Variants in NUP155 observed in about 807,000 individuals in gnomAD.
NUP155 encodes the protein nucleoporin 155, also known as nuclear pore complex protein Nup155.
NUP155 carries 71 observed loss-of-function variants against 180.4 expected under a neutral mutation model. The ratio of observed to expected loss-of-function variants is 0.39; its 90% CI spans 0.33 to 0.48. The LOEUF (loss-of-function observed/expected upper bound fraction) is 0.48. Ranked by LOEUF, NUP155 falls within the 20% of genes least tolerant of loss-of-function variation. The pLI, the probability that NUP155 is intolerant of heterozygous loss-of-function variation, is 0.91. For synonymous variants in NUP155, 582 were observed against 559.5 expected (o/e 1.04, Z -0.57); for missense variants, 1,553 against 1,648.9 (o/e 0.94, Z 1.01).
chr5:37,293,718 G>GTAATGAGTTTA (rs1252302785), intron 33 of NUP155, among the ~76,000 whole-genome samples: 1 of 77,698 alleles, frequency 1.3e-5, no homozygotes, highest in Admixed American at 1.1e-4. Context: ...GATGATTCTT[G>GTAATGAGTTTA]GCCGGGCGCG....
chr5:37,320,316 A>G (rs1007075972), intron 20 of NUP155, among the ~76,000 whole-genome samples: 1 of 152,200 alleles, frequency 6.6e-6, no homozygotes, highest in East Asian at 1.9e-4. Context: ...CGTCTCTACT[A>G]AAAATACAAA....
intron 9 of NUP155, among the ~76,000 whole-genome samples, chr5:37,346,249 G>A (rs956091740): frequency 8.6e-5 from 13 of 151,808 alleles, no homozygotes; most frequent in Non-Finnish European, 1.5e-4. Flanking sequence ...CTGCACTCCA[G>A]TCTGGGCAAC....
chr5:37,346,921 C>T (rs1288407623), intron 9 of NUP155, among the ~76,000 whole-genome samples: 2 of 152,062 alleles, frequency 1.3e-5, no homozygotes, highest in Non-Finnish European at 2.9e-5. Flanking sequence ...TTGAACCACA[C>T]ATGTCTGTTA....
chr5:37,306,608 C>A (rs764164662), intron 25 of NUP155, among the ~76,000 whole-genome samples: 3 of 151,934 alleles, frequency 2.0e-5, no homozygotes, highest in Admixed American at 1.3e-4. Flanking sequence ...GCTGGGATTA[C>A]GGGTGTGCAC....
Position 37,307,293 on chromosome 5 carries a change from G to C in NUP155, c.2903+4C>G. ...TGACAATCTGCTAACGTAATGGAAT[G>C]CACCTTTCTTGGAAGGCCTGAAGTC... On this transcript the variant is annotated splice_donor_region_variant and intron_variant, in intron 25 of 34. Coordinates refer to ENST00000231498, the MANE Select transcript of NUP155 (RefSeq NM_153485.3). 1.2e-6 allele frequency: 2 copies of C among 1,613,392 alleles called. No homozygotes were observed. The highest frequency in any genetic ancestry group is 1.7e-6 in the Non-Finnish European group (2 of 1,179,552).
rs769074596 is a variant in NUP155, at chr5:37,331,735, T to C, written c.1579A>G (p.Asn527Asp). 2 of 1,611,460 alleles carry C rather than the reference T, an allele frequency of 1.2e-6. No homozygotes were observed. Among genetic ancestry groups the C allele is most frequent in the African/African-American group, 1.3e-5 (1 of 74,902 alleles). ...VDQLRHLLVSNVGGDGEEIER... is the reference protein window; with the variant it reads ...VDQLRHLLVSDVGGDGEEIER... Reference sequence around the variant, plus strand: ...ATCTCTTCTCCATCTCCTCCCACATTACTCACAAGTAGATGCCTCAGTTGA... The same window carrying C: ...ATCTCTTCTCCATCTCCTCCCACATCACTCACAAGTAGATGCCTCAGTTGA... Residue 527 changes from asparagine to aspartate, a missense_variant, in exon 14 of 35, where the codon AAT (asparagine) becomes GAT (aspartate). By Grantham distance (23) the Asn-to-Asp change is conservative. Coordinates refer to ENST00000231498, the MANE Select transcript of NUP155 (RefSeq NM_153485.3).
At chr5:37,299,701 T>C in intron 30 of NUP155, 133 bp from the exon 31 acceptor site, 1 of 912,908 alleles carries the variant, frequency 1.1e-6, no homozygotes, top group Middle Eastern at 3.0e-4. Flanking sequence ...TATAAAGATG[T>C]GATGATGTAT....
chr5:37,321,871 T>C (rs890946363), intron 20 of NUP155, among the ~76,000 whole-genome samples: 1 of 152,352 alleles, frequency 6.6e-6, no homozygotes, highest in Middle Eastern at 3.4e-3. Flanking sequence ...ATATTTTTTT[T>C]TGAGACAGAG....
chr5:37,301,206 G>A (rs190802951), intron 30 of NUP155: 8 of 458,852 alleles, frequency 1.7e-5, no homozygotes, highest in African/African-American at 4.0e-5. Flanking sequence ...GCTCTCATGC[G>A]AGGATGATAG....
At chr5:37,327,052 CTTCCTT>C (rs972476827) in intron 18 of NUP155, 2 of 136,456 alleles carry the variant, frequency 1.5e-5, no homozygotes, top group Non-Finnish European at 3.4e-5. Flanking sequence ...TATATTTTCT[CTTCCTT>C]ATGATTTTCT....
intron 1 of NUP155, among the ~76,000 whole-genome samples, chr5:37,366,914 T>TGC (rs1472228798): frequency 6.6e-6 from 1 of 151,798 alleles, no homozygotes; most frequent in East Asian, 1.9e-4. Context: ...CCTCCCAAAG[T>TGC]GCTGGGATTA....
chr5:37,312,680 T>C (rs1186061512), intron 22 of NUP155, among the ~76,000 whole-genome samples: 2 of 152,076 alleles, frequency 1.3e-5, no homozygotes, highest in Non-Finnish European at 2.9e-5. Context: ...AATACAAAAA[T>C]TAGCTAGGCG....
At chr5:37,295,972 C>G in intron 32 of NUP155, among the ~76,000 whole-genome samples, 2 of 148,070 alleles carry the variant, frequency 1.4e-5, no homozygotes, top group Non-Finnish European at 1.5e-5. Context: ...AGCCCCTCTG[C>G]CCGGCCAGCC....
At chr5:37,318,222 T>C in intron 20 of NUP155, 137 bp from the exon 21 acceptor site, 1 of 670,766 alleles carries the variant, frequency 1.5e-6, no homozygotes, top group Non-Finnish European at 2.7e-6. Flanking sequence ...CCAGAAGGGC[T>C]GATGGCCAGA....
chr5:37,367,170 G>C (rs1370367913), intron 1 of NUP155, among the ~76,000 whole-genome samples: 1 of 151,834 alleles, frequency 6.6e-6, no homozygotes, highest in Non-Finnish European at 1.5e-5. Flanking sequence ...ACAGCCTCGT[G>C]AGTAGCTAGG....
intron 1 of NUP155, among the ~76,000 whole-genome samples, chr5:37,365,980 T>C (rs1747561855): frequency 6.6e-6 from 1 of 150,720 alleles, no homozygotes; most frequent in Non-Finnish European, 1.5e-5. Flanking sequence ...GCTAAACATT[T>C]ATAGATTAAA....
At chr5:37,293,129 A>G (rs925759000) in intron 33 of NUP155, 144 bp from the exon 34 acceptor site, 39 of 628,286 alleles carry the variant, frequency 6.2e-5, no homozygotes, top group Non-Finnish European at 8.6e-5. Flanking sequence ...ACTAAATTAT[A>G]TATCTGATTA....
At chr5:37,316,172 C>G (rs1217758792) in intron 21 of NUP155, among the ~76,000 whole-genome samples, 1 of 152,108 alleles carries the variant, frequency 6.6e-6, no homozygotes, top group African/African-American at 2.4e-5. Flanking sequence ...TGTCCATCAA[C>G]AGATGAATGG....
chr5:37,327,103 ATATAGTG>A (rs1230116538), intron 18 of NUP155: 1 of 157,082 alleles, frequency 6.4e-6, no homozygotes, highest in Non-Finnish European at 1.4e-5. Context: ...TATGGTAAGA[ATATAGTG>A]TATAACACAT....
Sources: gnomAD v4.1 joint callset for allele counts (sites outside exome capture counted in the v4.1 genomes callset) on GRCh38, gnomAD v4.1.1 for gene constraint, MANE v1.5 for transcripts, NCBI Gene and HGNC (gene_info 2026-07-23, HGNC 2026-07-21) for gene names.